BNC2: variants seen among roughly 807,000 people sequenced by gnomAD.
The protein encoded by BNC2 is zinc finger protein basonuclin-2.
In BNC2, 20 loss-of-function variants were observed where a neutral mutation model predicts 76.3. The observed-to-expected ratio is 0.26, with a 90% CI of 0.18 to 0.38. The LOEUF is 0.38. Ranked by LOEUF, BNC2 falls within the 10% of genes least tolerant of loss-of-function variation. The pLI is 1.00. For synonymous variants in BNC2, 582 were observed against 514.8 expected, an observed-to-expected ratio of 1.13 and a Z score of -1.77; for missense variants, 1,382 against 1,399.8, an observed-to-expected ratio of 0.99 and a Z score of 0.20.
chr9:16,768,362 A>T (rs1046911460), intron 1 of BNC2, among the ~76,000 whole-genome samples: 1 of 152,280 alleles, frequency 6.6e-6, no homozygotes, highest in Middle Eastern at 3.4e-3. Context: ...TCTTTCCTTA[A>T]ATCAATCTTC....
chr9:16,758,325 C>A (rs1251088638), intron 1 of BNC2, among the ~76,000 whole-genome samples: 2 of 137,028 alleles, frequency 1.5e-5, no homozygotes, highest in Non-Finnish European at 3.2e-5. Flanking sequence ...ACATTAGCCG[C>A]GTTTGCAAAG....
At chr9:16,801,815 C>T (rs937554936) in intron 1 of BNC2, among the ~76,000 whole-genome samples, 3 of 151,660 alleles carry the variant, frequency 2.0e-5, no homozygotes, top group Non-Finnish European at 4.4e-5. Flanking sequence ...GGGATAATCC[C>T]TTACTGTATA....
Position 16,435,706 on chromosome 9 carries a change from G to A in BNC2, c.2488C>T (p.Pro830Ser), listed in dbSNP as rs1445708619. The change falls in exon 6 of 7, where the codon CCA becomes TCA. Residue 830 changes from proline to serine, a missense_variant. Pro to Ser is a moderately conservative substitution (Grantham distance 74, BLOSUM62 -1). Coordinates refer to ENST00000380672, the MANE Select transcript of BNC2 (RefSeq NM_017637.6). Reference sequence around the variant, plus strand: ...CACACATAACAGATTTTGGGGTCTGGGCTAGAACATAGGTCACCTTCTGGG... The same window carrying A: ...CACACATAACAGATTTTGGGGTCTGAGCTAGAACATAGGTCACCTTCTGGG... Reference protein sequence around the residue: ...FSPEGDLCSSPDPKICYVCKK... With the variant: ...FSPEGDLCSSSDPKICYVCKK... 6.2e-7 allele frequency: 1 copy of A among 1,614,024 alleles called. No individual in the cohort carries two copies. Among genetic ancestry groups the A allele is most frequent in the South Asian group, 1.1e-5 (1 of 91,070 alleles).
intron 5 of BNC2, among the ~76,000 whole-genome samples, chr9:16,519,905 G>A (rs889304405): frequency 6.6e-6 from 1 of 152,172 alleles, no homozygotes; most frequent in Non-Finnish European, 1.5e-5. Flanking sequence ...GAGGACAGAT[G>A]ACCATACCCA....
chr9:16,787,542 A>T (rs972487450), intron 1 of BNC2, among the ~76,000 whole-genome samples: 1 of 152,164 alleles, frequency 6.6e-6, no homozygotes, highest in Non-Finnish European at 1.5e-5. Context: ...CATGCTTTAC[A>T]TCATGGAGCT....
At chr9:16,548,410 T>C (rs1818556154) in intron 5 of BNC2, among the ~76,000 whole-genome samples, 2 of 151,712 alleles carry the variant, frequency 1.3e-5, no homozygotes, top group African/African-American at 4.8e-5. Flanking sequence ...TCTTCGTTTT[T>C]TTTTTTTTCT....
intron 1 of BNC2, among the ~76,000 whole-genome samples, chr9:16,788,370 G>C (rs964668004): frequency 6.6e-6 from 1 of 151,704 alleles, no homozygotes; most frequent in Non-Finnish European, 1.5e-5. Flanking sequence ...TGGCTAACAT[G>C]GTGAAACCCC....
At chr9:16,823,742 G>A (rs1438515421) in intron 1 of BNC2, among the ~76,000 whole-genome samples, 2 of 152,072 alleles carry the variant, frequency 1.3e-5, no homozygotes, top group Non-Finnish European at 2.9e-5. Context: ...TTTTTAAACA[G>A]GTGATCTTTG....
At chr9:16,555,213 C>T (rs1415539289) in intron 4 of BNC2, among the ~76,000 whole-genome samples, 2 of 151,532 alleles carry the variant, frequency 1.3e-5, no homozygotes, top group East Asian at 2.0e-4. Context: ...TTGGTAGAGA[C>T]GGGGTTTCAC....
chr9:16,865,035 GAAAA>G (rs5896712), intron 1 of BNC2, among the ~76,000 whole-genome samples: 7 of 131,052 alleles, frequency 5.3e-5, no homozygotes, highest in Non-Finnish European at 6.5e-5. Context: ...GCTTTGGACT[GAAAA>G]AAAAAAAAAA....
At chr9:16,750,043 T>C (rs1825142275) in intron 1 of BNC2, among the ~76,000 whole-genome samples, 1 of 152,198 alleles carries the variant, frequency 6.6e-6, no homozygotes, top group African/African-American at 2.4e-5. Context: ...TAGACACTAA[T>C]AGGAAATGGA....
At chr9:16,713,694 C>CT (rs1029153987) in intron 3 of BNC2, among the ~76,000 whole-genome samples, 27 of 151,086 alleles carry the variant, frequency 1.8e-4, no homozygotes, top group East Asian at 1.2e-3. Context: ...TTCCCCCGCC[C>CT]TTTTTTTTTA....
At chr9:16,471,262 T>C (rs1821817885) in intron 5 of BNC2, among the ~76,000 whole-genome samples, 1 of 152,068 alleles carries the variant, frequency 6.6e-6, no homozygotes, top group African/African-American at 2.4e-5. Context: ...ATACCTCCAT[T>C]GTATCTGGGA....
At chr9:16,463,874 T>C (rs1009667390) in intron 5 of BNC2, among the ~76,000 whole-genome samples, 7 of 151,936 alleles carry the variant, frequency 4.6e-5, no homozygotes, top group Non-Finnish European at 1.0e-4. Context: ...GGCAGGCAGA[T>C]CACTTGAGGT....
At chr9:16,762,096 T>C (rs1299142316) in intron 1 of BNC2, among the ~76,000 whole-genome samples, 1 of 152,176 alleles carries the variant, frequency 6.6e-6, no homozygotes, top group Non-Finnish European at 1.5e-5. Flanking sequence ...GTGATATTTG[T>C]GAGATCAAAA....
rs751188998 is a variant in BNC2, at chr9:16,435,824, C to G, written c.2370G>C (p.Gln790His). ...DPTYDMFYMS[Q>H]YGLYNGGGAS... ...CACCCCCACCATTGTACAGTCCATA[C>G]TGGCTCATGTAAAACATGTCGTAAG... The change falls in exon 6 of 7, where the codon CAG (glutamine) becomes CAC (histidine). Residue 790 changes from glutamine to histidine, a missense_variant. This residue lies in a region of BNC2 where 798 missense variants were observed against 775.5 expected (regional missense o/e 1.03). Coordinates refer to ENST00000380672, the MANE Select transcript of BNC2 (RefSeq NM_017637.6). 3.7e-6 allele frequency: 6 copies of G among 1,614,174 alleles called. No individual in the cohort carries two copies. The South Asian group carries it at 6.6e-5, about 18-fold the overall frequency.
chr9:16,716,201 T>C (rs1046066196), intron 3 of BNC2, among the ~76,000 whole-genome samples: 2 of 152,198 alleles, frequency 1.3e-5, no homozygotes, highest in African/African-American at 4.8e-5. Flanking sequence ...GAAAATGTAC[T>C]GTAATATGAA....
chr9:16,826,793 C>A (rs1818461760), intron 1 of BNC2, among the ~76,000 whole-genome samples: 1 of 151,852 alleles, frequency 6.6e-6, no homozygotes. Context: ...TGGAAAATAG[C>A]CTAAAGACAG....
At chr9:16,825,353 T>C (rs1055238198) in intron 1 of BNC2, among the ~76,000 whole-genome samples, 4 of 152,316 alleles carry the variant, frequency 2.6e-5, no homozygotes, top group Non-Finnish European at 5.9e-5. Context: ...CTCCTCTTTA[T>C]TTTTGTCTCA....
Sources: gnomAD v4.1 joint callset for allele counts (sites outside exome capture counted in the v4.1 genomes callset) on GRCh38, gnomAD v4.1.1 for gene constraint, gnomAD v4.1.1 regional missense constraint, MANE v1.5 for transcripts, NCBI Gene and HGNC (gene_info 2026-07-23, HGNC 2026-07-21) for gene names.